The following LEKR1 variants were observed in gnomAD, a reference collection of about 807,000 sequenced individuals.
LEKR1 encodes leucine, glutamate and lysine rich 1, also known as protein LEKR1.
LEKR1 carries 59 observed loss-of-function variants against 72.4 expected under a neutral mutation model. The observed-to-expected ratio is 0.82, with a 90% CI of 0.66 to 1.01. The LOEUF (loss-of-function observed/expected upper bound fraction) is 1.01, where lower values mean the gene tolerates loss of function less well. Among genes scored for constraint, LEKR1 ranks in the 50% least tolerant of loss-of-function variants. LEKR1 has a pLI of 0.00. For synonymous variants in LEKR1, 257 were observed against 263.2 expected, an observed-to-expected ratio of 0.98 and a Z score of 0.23; for missense variants, 728 against 759.2, an observed-to-expected ratio of 0.96 and a Z score of 0.48.
chr3:156,997,809 G>A (rs1374332716), intron 9 of LEKR1, among the ~76,000 whole-genome samples: 8 of 152,218 alleles, frequency 5.3e-5, no homozygotes, highest in Admixed American at 5.2e-4. Context: ...TCTGAATTTG[G>A]AGAAATAAGG....
At chr3:156,837,182 TAGAG>T (rs1713259485) in intron 2 of LEKR1, among the ~76,000 whole-genome samples, 3 of 152,230 alleles carry the variant, frequency 2.0e-5, no homozygotes, top group South Asian at 2.1e-4. Context: ...GAGGTATTCT[TAGAG>T]AGGGGATAGA....
chr3:156,991,864 C>T (rs1454084057), intron 7 of LEKR1, among the ~76,000 whole-genome samples: 2 of 152,120 alleles, frequency 1.3e-5, no homozygotes, highest in Non-Finnish European at 2.9e-5. Context: ...TAACACTTTT[C>T]TGAATACTTT....
intron 12 of LEKR1, among the ~76,000 whole-genome samples, chr3:157,031,904 G>T (rs1699097646): frequency 6.6e-6 from 1 of 152,102 alleles, no homozygotes; most frequent in Non-Finnish European, 1.5e-5. Context: ...GTGGAGCAGG[G>T]ATTATTGGAG....
At chr3:157,015,734 T>TAAAATAAATAAATTTTATTAATAAAATA (rs1733258779) in intron 10 of LEKR1, among the ~76,000 whole-genome samples, 1 of 151,714 alleles carries the variant, frequency 6.6e-6, no homozygotes, top group African/African-American at 2.4e-5. Context: ...GAAAAATCAA[T>TAAAATAAATAAATTTTATTAATAAAATA]AAATAAAAAC....
chr3:156,993,969 G>T, intron 9 of LEKR1, among the ~76,000 whole-genome samples: 1 of 151,330 alleles, frequency 6.6e-6, no homozygotes, highest in South Asian at 2.1e-4. Context: ...TTGTTTCATT[G>T]ATTTAAAAAT....
At chr3:156,906,810 A>G (rs1367438502) in intron 3 of LEKR1, among the ~76,000 whole-genome samples, 1 of 152,204 alleles carries the variant, frequency 6.6e-6, no homozygotes, top group Non-Finnish European at 1.5e-5. Context: ...TTGGATAAAT[A>G]TATACTAAAG....
At chr3:156,847,323 T>C (rs1002014103) in intron 2 of LEKR1, among the ~76,000 whole-genome samples, 17 of 152,376 alleles carry the variant, frequency 1.1e-4, no homozygotes, top group African/African-American at 4.1e-4. Context: ...TATTTTCAAA[T>C]GGTTCTACAT....
At chr3:156,980,124 G>C (rs1476642622) in intron 7 of LEKR1, 1 of 152,008 alleles carries the variant, frequency 6.6e-6, no homozygotes, top group African/African-American at 2.4e-5. Flanking sequence ...TATAATCTTT[G>C]AAAAGTAAGT....
In LEKR1 at chr3:156,897,536, T is replaced by C. The variant is rs1264299821; in HGVS notation, c.264-23039T>C. Among the ~76,000 whole-genome samples, 7 of 145,966 alleles carry C rather than the reference T, an allele frequency of 4.8e-5. No homozygotes were observed. The East Asian group carries it at 1.4e-3, about 29-fold the overall frequency. ...AGAAAGGCAGGACAACTCAAAGTGG[T>C]GGGGGCGGGGGGAGGCTTCCAGGCT... On this transcript the variant is annotated intron_variant, in intron 3 of 12. Coordinates refer to ENST00000356539, the MANE Select transcript of LEKR1 (RefSeq NM_001004316.3).
intron 6 of LEKR1, among the ~76,000 whole-genome samples, chr3:156,945,002 C>T (rs1726556731): frequency 6.6e-6 from 1 of 151,664 alleles, no homozygotes; most frequent in African/African-American, 2.4e-5. Context: ...AAAGTGTTCT[C>T]CATATTGATT....
chr3:156,934,053 C>T (rs1488242588), intron 5 of LEKR1, among the ~76,000 whole-genome samples: 2 of 152,192 alleles, frequency 1.3e-5, no homozygotes, highest in Non-Finnish European at 2.9e-5. Context: ...AATGTCACCT[C>T]CTCAGAAACA....
intron 3 of LEKR1, among the ~76,000 whole-genome samples, chr3:156,907,271 A>G (rs1319043363): frequency 1.3e-5 from 2 of 152,080 alleles, no homozygotes; most frequent in African/African-American, 4.8e-5. Flanking sequence ...AGTTTTAAAG[A>G]CATATATGTA....
rs114230279 is a variant in LEKR1, at chr3:157,029,179, G to A, written c.1668+777G>A. ...AAAGGAAAGTGCTAACAGCAATATC[G>A]ATTATTAACAATTAAATATGCCATG... is the stretch of plus-strand genomic sequence containing the variant. On this transcript the variant is annotated intron_variant, in intron 12 of 12. Transcript: ENST00000356539. Among the ~76,000 whole-genome samples the A allele has an allele frequency of 3.4e-3, 510 of 152,174 alleles. 2 individuals carry two copies. The highest frequency in any genetic ancestry group is 6.8e-3 in the Middle Eastern group (2 of 294).
At position 156,858,890 on chromosome 3, in the gene LEKR1, G is replaced by A. The variant is rs1019728099; in HGVS notation, c.263+5908G>A. Among the ~76,000 whole-genome samples the A allele has an allele frequency of 3.3e-5, 5 of 152,068 alleles. No homozygotes were observed. The South Asian group carries it at 1.0e-3, about 32-fold the overall frequency. ...TTCATTTACTTCTAAATAAGATGAA[G>A]TTTAGTTTTTATTTGCTTTTTAATC... On this transcript the variant is annotated intron_variant, in intron 3 of 12. Transcript: ENST00000356539.
chr3:156,896,746 C>T (rs1721226366), intron 3 of LEKR1, among the ~76,000 whole-genome samples: 1 of 152,164 alleles, frequency 6.6e-6, no homozygotes, highest in Non-Finnish European at 1.5e-5. Context: ...CATATGCATG[C>T]ATATGTCCAT....
chr3:157,045,615 A>AGATAAGCC lies in LEKR1; in HGVS notation c.1947_1954dup (p.Lys652IlefsTer48). On this transcript the variant is annotated frameshift_variant, in exon 13 of 13. Transcript: ENST00000356539. LOFTEE classifies it low-confidence loss of function (END_TRUNC). ...CAAAACCCACCACTTTCCCAACCTC[A>AGATAAGCC]GATAAGCCGAAGAGGGTTAGATCAG... 6.2e-7 allele frequency: 1 copy of AGATAAGCC among 1,614,148 alleles called. No homozygotes were observed. Among genetic ancestry groups the AGATAAGCC allele is most frequent in the Non-Finnish European group, 8.5e-7 (1 of 1,180,018 alleles).
In LEKR1 at chr3:156,951,491, GT is replaced by G. The variant is rs373454112; in HGVS notation, c.745+8786del. On this transcript the variant is annotated intron_variant, in intron 6 of 12. Coordinates refer to ENST00000356539, the MANE Select transcript of LEKR1 (RefSeq NM_001004316.3). ...AGCTGTGAATCCATCAGCTCCTGGGGTTTTTTTTTGGTTGGTAGACTGTTTA... is the reference window on the plus strand; with the variant it reads ...AGCTGTGAATCCATCAGCTCCTGGGGTTTTTTTTGGTTGGTAGACTGTTTA... 5.8e-3 allele frequency among the ~76,000 whole-genome samples: 869 copies of G among 150,148 alleles called. 4 individuals are homozygous for G. Among genetic ancestry groups the G allele is most frequent in the African/African-American group, 0.02 (826 of 41,054 alleles).
Position 156,968,107 on chromosome 3 carries a change from A to C in LEKR1, c.746-11087A>C, listed in dbSNP as rs1456380551. Among the ~76,000 whole-genome samples the C allele has an allele frequency of 3.3e-5, 5 of 152,286 alleles. No individual in the cohort carries two copies. The South Asian group carries it at 1.0e-3, about 32-fold the overall frequency. ...TTTTGTCACCACCAGGCCTGCCCTA[A>C]AAGAGCTCCTGAAGGAAGCACTAAA... On this transcript the variant is annotated intron_variant, in intron 6 of 12. Coordinates refer to ENST00000356539, the MANE Select transcript of LEKR1 (RefSeq NM_001004316.3).
intron 5 of LEKR1, among the ~76,000 whole-genome samples, chr3:156,932,858 GTC>G (rs1424221762): frequency 6.6e-6 from 1 of 151,284 alleles, no homozygotes; most frequent in African/African-American, 2.4e-5. Context: ...ATGAAAACCT[GTC>G]TCTACTAAAA....
Sources: allele counts gnomAD v4.1 joint callset (sites outside exome capture counted in the v4.1 genomes callset), GRCh38; gene constraint gnomAD v4.1.1; transcripts MANE v1.5; gene names NCBI Gene and HGNC (gene_info 2026-07-23, HGNC 2026-07-21).